Variants in CTNNA3 observed in about 807,000 individuals in gnomAD.
CTNNA3 encodes the protein catenin alpha 3.
A neutral mutation model predicts 95.7 loss-of-function variants in CTNNA3; 76 were observed. The observed-to-expected ratio is 0.79, with a 90% confidence interval of 0.66 to 0.96. The LOEUF (loss-of-function observed/expected upper bound fraction) is 0.96, where lower values mean the gene tolerates loss of function less well. CTNNA3 is among the 40% of genes least tolerant of loss of function. CTNNA3 has a pLI of 0.00. For synonymous variants in CTNNA3, 431 were observed against 374.4 expected (o/e 1.15, Z -1.74); for missense variants, 1,191 against 1,089.8 (o/e 1.09, Z -1.31).
intron 5 of CTNNA3, among the ~76,000 whole-genome samples, chr10:67,493,301 C>T (rs1838915872): frequency 6.6e-6 from 1 of 151,924 alleles, no homozygotes; most frequent in Admixed American, 6.6e-5. Context: ...GGCGGCTCAC[C>T]CCTGTAATCC....
intron 13 of CTNNA3, among the ~76,000 whole-genome samples, chr10:66,174,301 A>G (rs1185960118): frequency 6.6e-6 from 1 of 152,116 alleles, no homozygotes; most frequent in African/African-American, 2.4e-5. Context: ...ATAACAAAGA[A>G]AATAACTCTA....
chr10:66,977,221 G>A (rs1005371249), intron 7 of CTNNA3, among the ~76,000 whole-genome samples: 6 of 151,958 alleles, frequency 3.9e-5, no homozygotes, highest in African/African-American at 1.5e-4. Context: ...GGTGGATCAC[G>A]AAGTCAAGAG....
intron 5 of CTNNA3, among the ~76,000 whole-genome samples, chr10:67,345,541 T>C (rs921706856): frequency 2.0e-5 from 3 of 152,166 alleles, no homozygotes; most frequent in African/African-American, 4.8e-5. Flanking sequence ...AATTGTTATA[T>C]CCTCTTGCTG....
intron 1 of CTNNA3, among the ~76,000 whole-genome samples, chr10:67,667,524 T>G (rs1431906001): frequency 2.0e-5 from 3 of 152,142 alleles, no homozygotes; most frequent in Non-Finnish European, 2.9e-5. Context: ...TAATGGCACA[T>G]CCTCTATGCT....
chr10:67,125,884 T>G (rs1859701261), intron 7 of CTNNA3, among the ~76,000 whole-genome samples: 1 of 152,176 alleles, frequency 6.6e-6, no homozygotes, highest in Non-Finnish European at 1.5e-5. Flanking sequence ...TTTCTGATGC[T>G]CAACTAGAAA....
At chr10:66,351,132 A>C (rs1355887002) in intron 12 of CTNNA3, among the ~76,000 whole-genome samples, 2 of 152,030 alleles carry the variant, frequency 1.3e-5, no homozygotes, top group African/African-American at 4.8e-5. Flanking sequence ...GAATTCAGTG[A>C]ATCATGCTTC....
intron 12 of CTNNA3, among the ~76,000 whole-genome samples, chr10:66,368,421 T>C (rs1036672903): frequency 5.9e-5 from 9 of 152,070 alleles, no homozygotes; most frequent in African/African-American, 7.2e-5. Flanking sequence ...CTTTTTTTTT[T>C]CCCTGTGATA....
intron 13 of CTNNA3, among the ~76,000 whole-genome samples, chr10:66,106,270 T>C (rs1344502676): frequency 6.6e-6 from 1 of 151,668 alleles, no homozygotes; most frequent in East Asian, 1.9e-4. Context: ...CCCTAGATCA[T>C]GCCTTCTTAA....
At chr10:66,287,028 C>A (rs2091600266) in intron 12 of CTNNA3, among the ~76,000 whole-genome samples, 1 of 151,946 alleles carries the variant, frequency 6.6e-6, no homozygotes, top group South Asian at 2.1e-4. Context: ...TAAACATAAG[C>A]TTCTCTGCGA....
chr10:66,188,578 G>GGT (rs2086462704), intron 13 of CTNNA3, among the ~76,000 whole-genome samples: 4 of 125,742 alleles, frequency 3.2e-5, no homozygotes, highest in South Asian at 2.3e-4. Context: ...GTGTGTGTGT[G>GGT]GGGGGAGGGG....
intron 11 of CTNNA3, among the ~76,000 whole-genome samples, chr10:66,430,962 A>T (rs1260389064): frequency 6.6e-6 from 1 of 152,186 alleles, no homozygotes; most frequent in African/African-American, 2.4e-5. Flanking sequence ...CAGAGTGAAC[A>T]GGCAACCTAC....
chr10:66,521,701 C>T (rs1841073341), intron 10 of CTNNA3, among the ~76,000 whole-genome samples: 2 of 152,074 alleles, frequency 1.3e-5, no homozygotes, highest in South Asian at 4.1e-4. Context: ...AAGTAAAATG[C>T]CTTTAGCATA....
At chr10:66,300,765 A>T (rs1048540320) in intron 12 of CTNNA3, among the ~76,000 whole-genome samples, 1 of 152,112 alleles carries the variant, frequency 6.6e-6, no homozygotes, top group African/African-American at 2.4e-5. Flanking sequence ...CTTCTACTTT[A>T]AGAAACTAGA....
At chr10:66,003,756 T>A (rs2078822291) in intron 15 of CTNNA3, among the ~76,000 whole-genome samples, 1 of 152,202 alleles carries the variant, frequency 6.6e-6, no homozygotes, top group South Asian at 2.1e-4. Context: ...AAACATAACA[T>A]AATAACAAAC....
chr10:67,497,938 A>G (rs897099156), intron 5 of CTNNA3, among the ~76,000 whole-genome samples: 1 of 152,122 alleles, frequency 6.6e-6, no homozygotes, highest in African/African-American at 2.4e-5. Context: ...TTTAGTTCAA[A>G]TTAGATCCCA....
chr10:67,495,309 A>G (rs1003282101), intron 5 of CTNNA3, among the ~76,000 whole-genome samples: 4 of 152,108 alleles, frequency 2.6e-5, no homozygotes, highest in African/African-American at 9.7e-5. Context: ...TGGACCTAAG[A>G]CAAAATTTCT....
intron 12 of CTNNA3, among the ~76,000 whole-genome samples, chr10:66,314,531 AGT>A (rs1202338513): frequency 3.9e-5 from 6 of 152,002 alleles, no homozygotes; most frequent in African/African-American, 1.4e-4. Flanking sequence ...ACATTCTTGA[AGT>A]ATGGCAGAGA....
At chr10:66,445,582 A>C (rs1378438295) in intron 11 of CTNNA3, among the ~76,000 whole-genome samples, 8 of 152,204 alleles carry the variant, frequency 5.3e-5, no homozygotes, top group African/African-American at 1.9e-4. Flanking sequence ...TACTGGGTAC[A>C]TAACAAAATG....
intron 11 of CTNNA3, among the ~76,000 whole-genome samples, chr10:66,416,591 A>T (rs937559889): frequency 1.3e-5 from 2 of 151,898 alleles, no homozygotes; most frequent in African/African-American, 4.8e-5. Flanking sequence ...CCTATAAGAA[A>T]CCTCCATCAG....
Sources: gnomAD v4.1 joint callset for allele counts (sites outside exome capture counted in the v4.1 genomes callset) on GRCh38, gnomAD v4.1.1 for gene constraint, MANE v1.5 for transcripts, NCBI Gene and HGNC (gene_info 2026-07-23, HGNC 2026-07-21) for gene names.